Variants in SLAIN1 observed in about 807,000 individuals in gnomAD.
SLAIN1 encodes SLAIN family member 1.
Under a neutral mutation model 55.4 loss-of-function variants are expected in SLAIN1, and 17 were observed. That is an observed-to-expected ratio of 0.31 (90% CI 0.21 to 0.46). The LOEUF (loss-of-function observed/expected upper bound fraction) is 0.46, where lower values mean the gene tolerates loss of function less well. Among genes scored for constraint, SLAIN1 ranks in the 20% least tolerant of loss-of-function variants. The probability of loss-of-function intolerance (pLI) is 1.00; values close to 1 mark genes in which losing one functional copy is unlikely to be tolerated. For synonymous variants in SLAIN1, 348 were observed against 337.4 expected (o/e 1.03, Z -0.35); for missense variants, 682 against 785.1 (o/e 0.87, Z 1.57).
intron 2 of SLAIN1, among the ~76,000 whole-genome samples, chr13:77,722,685 C>A (rs1438794958): frequency 2.0e-5 from 3 of 152,100 alleles, no homozygotes; most frequent in Non-Finnish European, 4.4e-5. Context: ...TAGGGGACAT[C>A]AGTATATATT....
chr13:77,762,674 A>G (rs1875133220), intron 6 of SLAIN1, among the ~76,000 whole-genome samples: 1 of 152,304 alleles, frequency 6.6e-6, no homozygotes, highest in Non-Finnish European at 1.5e-5. Context: ...TGTTGGGATT[A>G]TAGATGTGAG....
chr13:77,745,711 C>T (rs1873766142), intron 3 of SLAIN1, among the ~76,000 whole-genome samples: 1 of 152,004 alleles, frequency 6.6e-6, no homozygotes, highest in African/African-American at 2.4e-5. Context: ...AATGCTTATG[C>T]AGGATTTAAT....
At chr13:77,704,312 G>T (rs929240024) in intron 1 of SLAIN1, among the ~76,000 whole-genome samples, 1 of 135,506 alleles carries the variant, frequency 7.4e-6, no homozygotes. Context: ...TATATACATA[G>T]AAACTGTATA....
intron 2 of SLAIN1, among the ~76,000 whole-genome samples, chr13:77,728,395 A>G (rs1228786465): frequency 6.6e-6 from 1 of 152,206 alleles, no homozygotes. Context: ...ATAAAAGCTT[A>G]TCTTGGCTTA....
intron 2 of SLAIN1, among the ~76,000 whole-genome samples, chr13:77,735,088 A>G (rs1354276122): frequency 6.6e-6 from 1 of 152,054 alleles, no homozygotes; most frequent in Non-Finnish European, 1.5e-5. Flanking sequence ...ACAACTTGCT[A>G]TAACATTTCA....
In SLAIN1 at chr13:77,763,208, T is replaced by C; in HGVS notation, c.1761T>C (p.Asp587=). The C allele has an allele frequency of 1.2e-6, 2 of 1,613,922 alleles. No individual in the cohort carries two copies. The highest frequency in any genetic ancestry group is 4.5e-5 in the East Asian group (2 of 44,882). The change falls in exon 7 of 7, where the codon GAT becomes GAC. Residue 587 remains aspartate, a synonymous_variant. Coordinates refer to ENST00000418532, the MANE Select transcript of SLAIN1 (RefSeq NM_001242868.2). ...LSTLRDGNWR[D]GCY ...CTCTGAGGGATGGAAATTGGAGAGATGGTTGCTACTAATGCAGTTTTATGT... is the reference window on the plus strand; with the variant it reads ...CTCTGAGGGATGGAAATTGGAGAGACGGTTGCTACTAATGCAGTTTTATGT...
chr13:77,699,057 G>C (rs2091004244), intron 1 of SLAIN1: 1 of 1,532,698 alleles, frequency 6.5e-7, no homozygotes, highest in Non-Finnish European at 8.7e-7. Flanking sequence ...TTTATAGAGA[G>C]GTTCGTTCTT....
intron 2 of SLAIN1, among the ~76,000 whole-genome samples, chr13:77,740,752 T>A (rs1873383907): frequency 1.3e-5 from 2 of 152,046 alleles, no homozygotes; most frequent in African/African-American, 4.8e-5. Flanking sequence ...AATTGCTCTT[T>A]TTTACAAGTT....
intron 5 of SLAIN1, among the ~76,000 whole-genome samples, chr13:77,753,608 G>A (rs7998977): frequency 0.11 from 16,490 of 151,930 alleles, 929 homozygotes; most frequent in East Asian, 0.12. Context: ...AGTGCCTGTG[G>A]TATCAATTAA....
chr13:77,723,238 A>G (rs976351915), intron 2 of SLAIN1, among the ~76,000 whole-genome samples: 2 of 152,134 alleles, frequency 1.3e-5, no homozygotes, highest in African/African-American at 4.8e-5. Context: ...GCAGCGCCCT[A>G]TTCTCTTACT....
intron 1 of SLAIN1, among the ~76,000 whole-genome samples, chr13:77,710,994 TAAAG>T (rs1194117357): frequency 1.3e-5 from 2 of 152,056 alleles, no homozygotes; most frequent in Non-Finnish European, 2.9e-5. Flanking sequence ...ACTGGGTAAA[TAAAG>T]AAATTAAGGC....
intron 1 of SLAIN1, among the ~76,000 whole-genome samples, chr13:77,715,851 T>A (rs2091201404): frequency 1.3e-5 from 2 of 152,186 alleles, no homozygotes; most frequent in South Asian, 4.1e-4. Context: ...AATATGTCTT[T>A]CCCAATCTGT....
chr13:77,744,498 T>G (rs776506750), intron 3 of SLAIN1, 66 bp downstream of exon 3: 2 of 1,598,094 alleles, frequency 1.3e-6, no homozygotes, highest in Admixed American at 3.4e-5. Context: ...GAGGGGGAGG[T>G]TCAGGCATTT....
At chr13:77,721,203 T>C (rs7339382) in intron 2 of SLAIN1, among the ~76,000 whole-genome samples, 18,676 of 152,120 alleles carry the variant, frequency 0.12, 1,291 homozygotes, top group East Asian at 0.23. Flanking sequence ...TGGTGTTAAG[T>C]GTGGCACTTC....
intron 2 of SLAIN1, among the ~76,000 whole-genome samples, chr13:77,729,837 G>T (rs921694830): frequency 6.6e-6 from 1 of 152,164 alleles, no homozygotes; most frequent in Admixed American, 6.5e-5. Context: ...ATCAGAAAAT[G>T]ATTTCCCAAA....
At chr13:77,700,987 A>G (rs1178160532) in intron 1 of SLAIN1, among the ~76,000 whole-genome samples, 4 of 152,170 alleles carry the variant, frequency 2.6e-5, no homozygotes, top group African/African-American at 9.7e-5. Context: ...AATTACAACA[A>G]TCAATATACA....
At chr13:77,710,723 G>C (rs1279385) in intron 1 of SLAIN1, among the ~76,000 whole-genome samples, 60,326 of 151,912 alleles carry the variant, frequency 0.4, 13,136 homozygotes, top group African/African-American at 0.57. Context: ...GAACTCAGCT[G>C]TGGACCAAGT....
At chr13:77,763,095 T>A in intron 6 of SLAIN1, 50 bp from the exon 7 acceptor site, 1 of 1,485,100 alleles carries the variant, frequency 6.7e-7, no homozygotes, top group Non-Finnish European at 9.4e-7. Flanking sequence ...GTGATGTGAC[T>A]CATAGGATTA....
At chr13:77,739,332 G>A (rs1305338132) in intron 2 of SLAIN1, among the ~76,000 whole-genome samples, 2 of 151,998 alleles carry the variant, frequency 1.3e-5, no homozygotes, top group East Asian at 3.9e-4. Context: ...TTGAGATAAG[G>A]AAATATTAGT....
Sources: allele counts gnomAD v4.1 joint callset (sites outside exome capture counted in the v4.1 genomes callset), GRCh38; gene constraint gnomAD v4.1.1; transcripts MANE v1.5; gene names NCBI Gene and HGNC (gene_info 2026-07-23, HGNC 2026-07-21).